The following UBA52 variants were observed in gnomAD, a reference collection of about 807,000 sequenced individuals.
UBA52 encodes ubiquitin A-52 residue ribosomal protein fusion product 1.
UBA52 carries 1 observed loss-of-function variant against 15.3 expected under a neutral mutation model. That is an observed-to-expected ratio of 0.07 (90% CI 0.02 to 0.31). UBA52 has a LOEUF of 0.31. UBA52 is among the 10% of genes least tolerant of loss of function. UBA52 has a pLI of 1.00. For missense variants in UBA52, 87 were observed against 168.0 expected, an observed-to-expected ratio of 0.52 and a Z score of 2.66; for synonymous variants, 50 against 58.3, an observed-to-expected ratio of 0.86 and a Z score of 0.65.
chr19:18,574,250 A>G (rs915333458), intron 3 of UBA52, among the ~76,000 whole-genome samples: 1 of 150,594 alleles, frequency 6.6e-6, no homozygotes, highest in Non-Finnish European at 1.5e-5. Flanking sequence ...TTTTTTTATC[A>G]CTGCAATAAG....
At position 18,576,303 on chromosome 19, in the gene UBA52, CAG is replaced by C. The variant is rs1975781316; in HGVS notation, c.*1155_*1156del. 6.6e-6 allele frequency: 1 copy of C among 152,414 alleles called. No individual in the cohort carries two copies. Among genetic ancestry groups the C allele is most frequent in the South Asian group, 2.1e-4 (1 of 4,832 alleles). 9.4% of individuals were successfully genotyped at this position (152,414 alleles called of 1,614,324 possible). ...ACAGGTGTGCACCCACCACCACACT[CAG>C]ATAATTGCTTTGGTGTTTTTAAAGC... On this transcript the variant is annotated 3_prime_UTR_variant, in exon 5 of 5. Transcript: ENST00000442744.
At chr19:18,570,178 C>T (rs904269850), upstream of UBA52, among the ~76,000 whole-genome samples, 3 of 151,356 alleles carry the variant, frequency 2.0e-5, no homozygotes, top group Non-Finnish European at 4.4e-5. Context: ...CATTGCTCCC[C>T]ATCTTCTCTG....
chr19:18,573,817 C>T, intron 3 of UBA52, 69 bp downstream of exon 3: 3 of 1,463,278 alleles, frequency 2.1e-6, no homozygotes, highest in South Asian at 2.3e-5. Flanking sequence ...CATTGATGGC[C>T]TCAGGGGTTG....
At chr19:18,572,844 A>T in intron 1 of UBA52, 2 of 1,027,958 alleles carry the variant, frequency 1.9e-6, no homozygotes, top group Non-Finnish European at 2.3e-6. Flanking sequence ...GTTGTAGGGG[A>T]TGGCTTCCCA....
intron 3 of UBA52, among the ~76,000 whole-genome samples, chr19:18,573,993 A>G (rs935318821): frequency 3.3e-5 from 5 of 151,822 alleles, no homozygotes; most frequent in Non-Finnish European, 5.9e-5. Context: ...TCTATTAAAA[A>G]TACAAAAATC....
upstream of UBA52, chr19:18,567,217 G>C (rs1975288960): frequency 6.2e-7 from 1 of 1,607,460 alleles, no homozygotes; most frequent in African/African-American, 1.3e-5. Context: ...GAGCACGTCA[G>C]CACTCTCCAC....
chr19:18,573,454 C>G, intron 2 of UBA52, 51 bp downstream of exon 2: 1 of 1,503,124 alleles, frequency 6.7e-7, no homozygotes, highest in Non-Finnish European at 9.2e-7. Context: ...GAGTCCCTCT[C>G]TGCCCAGGGG....
upstream of UBA52, chr19:18,568,373 A>C (rs764074939): frequency 2.5e-6 from 4 of 1,578,060 alleles, no homozygotes; most frequent in Non-Finnish European, 3.5e-6. Context: ...CAAGGTGACA[A>C]AACCAACTCT....
In UBA52 at chr19:18,575,303, G is replaced by T. The variant is rs769910324; in HGVS notation, c.*153G>T. On this transcript the variant is annotated 3_prime_UTR_variant, in exon 5 of 5. Transcript: ENST00000442744. ...CTGAAGAGTGGGCATCTCCCTTAGG[G>T]ACTCTACTCAGCACTCCATTCTGTG... The T allele has an allele frequency of 2.4e-5, 20 of 835,130 alleles. No homozygotes were observed. Among genetic ancestry groups the T allele is most frequent in the Middle Eastern group, 3.5e-4 (1 of 2,842 alleles). 51.7% of individuals were successfully genotyped at this position (835,130 alleles called of 1,614,324 possible).
At chr19:18,574,794 C>A in intron 3 of UBA52, 76 bp from the exon 4 acceptor site, 1 of 1,565,102 alleles carries the variant, frequency 6.4e-7, no homozygotes, top group Non-Finnish European at 8.7e-7. Flanking sequence ...AGACTATAGG[C>A]CCTGGAGGGT....
At chr19:18,571,585 G>A (rs1975480765), upstream of UBA52, 1 of 152,268 alleles carries the variant, frequency 6.6e-6, no homozygotes, top group Admixed American at 6.5e-5. Flanking sequence ...TTCGCTGAGG[G>A]CCCGCCAACC....
upstream of UBA52, chr19:18,567,032 C>A: frequency 1.9e-6 from 2 of 1,038,732 alleles, no homozygotes; most frequent in Non-Finnish European, 3.0e-6. Context: ...TCACTCCCGT[C>A]TCCCCTTGCC....
At chr19:18,570,729 C>G (rs1975451244), upstream of UBA52, among the ~76,000 whole-genome samples, 1 of 149,910 alleles carries the variant, frequency 6.7e-6, no homozygotes, top group Admixed American at 6.7e-5. Flanking sequence ...CTCTTGTTGC[C>G]CAGGCTGTAG....
At chr19:18,566,177 G>A in the UBA52 span, among the ~76,000 whole-genome samples, 1,861 of 152,196 alleles carry the variant, frequency 0.012, 55 homozygotes, top group African/African-American at 0.043. Flanking sequence ...GCGGCTGGGC[G>A]AGGTGGCCCA....
At chr19:18,568,904 C>A (rs556117219), upstream of UBA52, 44 of 484,162 alleles carry the variant, frequency 9.1e-5, no homozygotes, top group African/African-American at 2.3e-4. Flanking sequence ...GGGCTGGGCA[C>A]AGGGGAATTT....
chr19:18,568,101 C>G (rs1473735186), upstream of UBA52, among the ~76,000 whole-genome samples: 1 of 152,048 alleles, frequency 6.6e-6, no homozygotes, highest in Admixed American at 6.5e-5. Flanking sequence ...AACCCCGTCT[C>G]TAGTAAAAAT....
chr19:18,571,641 G>A, upstream of UBA52: 1 of 152,312 alleles, frequency 6.6e-6, no homozygotes. Context: ...CAAACACGGG[G>A]AGAGGTGCAA....
At chr19:18,567,008 C>A, upstream of UBA52, 1 of 776,656 alleles carries the variant, frequency 1.3e-6, no homozygotes. Flanking sequence ...AGGTGATGAA[C>A]AGTGTGGGGG....
intron 4 of UBA52, 37 bp from the exon 5 acceptor site, chr19:18,575,020 G>T: frequency 6.2e-7 from 1 of 1,614,214 alleles, no homozygotes; most frequent in Non-Finnish European, 8.5e-7. Context: ...GCCGGAGTCG[G>T]GGTATGCCCT....
Sources: gnomAD v4.1 joint callset for allele counts (sites outside exome capture counted in the v4.1 genomes callset) on GRCh38, gnomAD v4.1.1 for gene constraint, MANE v1.5 for transcripts, NCBI Gene and HGNC (gene_info 2026-07-23, HGNC 2026-07-21) for gene names.